Variants in SAMSN1 observed in about 807,000 individuals in gnomAD.
SAMSN1 encodes SAM domain, SH3 domain and nuclear localization signals 1.
SAMSN1 carries 31 observed loss-of-function variants against 42.0 expected under a neutral mutation model. That is an observed-to-expected ratio of 0.74 (90% CI 0.55 to 1.00). The LOEUF (loss-of-function observed/expected upper bound fraction) is 1.00, where lower values mean the gene tolerates loss of function less well. Ranked by LOEUF, SAMSN1 falls within the 50% of genes least tolerant of loss-of-function variation. The probability of loss-of-function intolerance (pLI) is 0.00; values close to 1 mark genes in which losing one functional copy is unlikely to be tolerated. For synonymous variants in SAMSN1, 178 were observed against 151.9 expected (o/e 1.17, Z -1.26); for missense variants, 464 against 439.4 (o/e 1.06, Z -0.50).
upstream of SAMSN1, among the ~76,000 whole-genome samples, chr21:14,546,790 A>G (rs1320603160): frequency 6.6e-6 from 1 of 151,774 alleles, no homozygotes; most frequent in Non-Finnish European, 1.5e-5. Flanking sequence ...GCTCACTGCA[A>G]CCTCCACCTC....
chr21:14,633,254 C>T (rs1983378849), intron 2 of SAMSN1, among the ~76,000 whole-genome samples: 1 of 152,048 alleles, frequency 6.6e-6, no homozygotes, highest in South Asian at 2.1e-4. Context: ...TTCTGTTTCT[C>T]TAGAGAACCC....
intron 2 of SAMSN1, among the ~76,000 whole-genome samples, chr21:14,627,190 T>A (rs1282261222): frequency 1.3e-5 from 2 of 151,982 alleles, no homozygotes; most frequent in East Asian, 3.9e-4. Context: ...GATGAGTTAA[T>A]GGGTGCAGCA....
chr21:14,530,358 C>T (rs28647773), intron 1 of SAMSN1, among the ~76,000 whole-genome samples: 32,294 of 133,010 alleles, frequency 0.24, 4,291 homozygotes, highest in East Asian at 0.45. Context: ...TCACCAAATC[C>T]GAAGATTGTG....
intron 3 of SAMSN1, among the ~76,000 whole-genome samples, chr21:14,513,416 G>A (rs1442233727): frequency 2.6e-5 from 4 of 152,092 alleles, no homozygotes; most frequent in Non-Finnish European, 5.9e-5. Context: ...CCTAGGTACT[G>A]AGCAGTGTTC....
chr21:14,628,918 T>G (rs1222630573), intron 2 of SAMSN1, among the ~76,000 whole-genome samples: 3 of 152,140 alleles, frequency 2.0e-5, no homozygotes, highest in Non-Finnish European at 2.9e-5. Context: ...TAACCTCAAT[T>G]TATAGGTAAA....
chr21:14,585,546 A>T (rs1196410745), upstream of SAMSN1: 1 of 152,236 alleles, frequency 6.6e-6, no homozygotes, highest in Non-Finnish European at 1.5e-5. Context: ...CAGGTAAGTA[A>T]GATCTCATGT....
At position 14,532,295 on chromosome 21, in the gene SAMSN1, C is replaced by A. The variant is rs139473133; in HGVS notation, c.58-11074G>T. ...CATAAAGCTTATAAACATTCCCATC[C>A]CAGGAAGCACCCACTGCTGCTGGTC... On this transcript the variant is annotated intron_variant, in intron 1 of 7. Coordinates refer to ENST00000400566, the MANE Select transcript of SAMSN1 (RefSeq NM_022136.5). Among the ~76,000 whole-genome samples, 19 of 152,252 alleles carry A rather than the reference C, an allele frequency of 1.2e-4. No individual in the cohort carries two copies. The East Asian group carries it at 3.7e-3, about 29-fold the overall frequency.
intron 2 of SAMSN1, among the ~76,000 whole-genome samples, chr21:14,576,569 G>A (rs776279368): frequency 3.3e-5 from 5 of 152,140 alleles, no homozygotes; most frequent in Non-Finnish European, 7.4e-5. Flanking sequence ...TGAAAGAATT[G>A]TAAAACCTTT....
chr21:14,649,487 T>C (rs1245900989), intron 1 of SAMSN1, among the ~76,000 whole-genome samples: 1 of 152,034 alleles, frequency 6.6e-6, no homozygotes, highest in African/African-American at 2.4e-5. Context: ...ACATACAGAC[T>C]GGCTGGGTGC....
chr21:14,612,584 A>C (rs1982735707), intron 4 of SAMSN1: 1 of 519,312 alleles, frequency 1.9e-6, no homozygotes. Context: ...ACCACGGAGC[A>C]GCCAAGCTAC....
intron 1 of SAMSN1, among the ~76,000 whole-genome samples, chr21:14,649,759 G>C (rs1401231079): frequency 2.1e-5 from 3 of 143,212 alleles, no homozygotes; most frequent in Non-Finnish European, 4.5e-5. Context: ...GACGGAGTGA[G>C]ACACTGTCTC....
In SAMSN1 at chr21:14,501,999, G is replaced by A. The variant is rs60287287; in HGVS notation, c.562-1264C>T. ...AGGATGCCTATGTTCAAGAGTTATA[G>A]TTCCTCCTTTGAGACTTAAAACTTT... On this transcript the variant is annotated intron_variant, in intron 5 of 7. Coordinates refer to ENST00000400566, the MANE Select transcript of SAMSN1 (RefSeq NM_022136.5). Among the ~76,000 whole-genome samples the A allele has an allele frequency of 4.9e-3, 747 of 152,278 alleles. 10 individuals carry two copies. Among genetic ancestry groups the A allele is most frequent in the African/African-American group, 0.017 (719 of 41,548 alleles).
intron 7 of SAMSN1, among the ~76,000 whole-genome samples, chr21:14,588,489 G>C (rs1981990198): frequency 6.6e-6 from 1 of 150,954 alleles, no homozygotes; most frequent in Non-Finnish European, 1.5e-5. Context: ...GCATTTCTCT[G>C]ATGGCCAGTG....
chr21:14,620,524 T>A (rs914335463), intron 2 of SAMSN1, among the ~76,000 whole-genome samples: 19 of 152,328 alleles, frequency 1.2e-4, no homozygotes, highest in African/African-American at 4.6e-4. Context: ...GATATTTCTT[T>A]ATAGCAGTGT....
intron 6 of SAMSN1, among the ~76,000 whole-genome samples, chr21:14,598,913 C>G (rs115258406): frequency 0.016 from 2,461 of 152,214 alleles, 66 homozygotes; most frequent in African/African-American, 0.056. Context: ...TATTTTAACT[C>G]TTTCTATTTA....
chr21:14,618,435 C>G (rs929686707), intron 2 of SAMSN1, among the ~76,000 whole-genome samples: 3 of 152,084 alleles, frequency 2.0e-5, no homozygotes, highest in Non-Finnish European at 4.4e-5. Context: ...CTCGGTGTTG[C>G]CTAGTTGTAG....
intron 5 of SAMSN1, among the ~76,000 whole-genome samples, chr21:14,603,765 T>C (rs888140824): frequency 1.3e-5 from 2 of 152,140 alleles, no homozygotes; most frequent in Non-Finnish European, 2.9e-5. Context: ...AATATATAAC[T>C]AAATGAAGTT....
intron 7 of SAMSN1, among the ~76,000 whole-genome samples, chr21:14,486,442 G>A (rs760773508): frequency 4.6e-5 from 7 of 152,126 alleles, no homozygotes; most frequent in Non-Finnish European, 8.8e-5. Flanking sequence ...AAAGCAGATT[G>A]TATCCACAGT....
At chr21:14,514,739 G>A (rs1249568775) in intron 3 of SAMSN1, among the ~76,000 whole-genome samples, 3 of 152,106 alleles carry the variant, frequency 2.0e-5, no homozygotes, top group Non-Finnish European at 4.4e-5. Flanking sequence ...AATACTGGAT[G>A]AGAAAACCAT....
Sources: gnomAD v4.1 joint callset for allele counts (sites outside exome capture counted in the v4.1 genomes callset) on GRCh38, gnomAD v4.1.1 for gene constraint, MANE v1.5 for transcripts, NCBI Gene and HGNC (gene_info 2026-07-23, HGNC 2026-07-21) for gene names.